The following PCDH9 variants were observed in gnomAD, a reference collection of about 807,000 sequenced individuals.
PCDH9 encodes protocadherin-9.
A neutral mutation model predicts 70.6 loss-of-function variants in PCDH9; 24 were observed. That is an observed-to-expected ratio of 0.34 (90% CI 0.25 to 0.48). The LOEUF is 0.48. Among genes scored for constraint, PCDH9 ranks in the 20% least tolerant of loss-of-function variants. The pLI is 0.99. For synonymous variants in PCDH9, 562 were observed against 558.5 expected (o/e 1.01, Z -0.09); for missense variants, 1,281 against 1,503.6 (o/e 0.85, Z 2.45).
intron 2 of PCDH9, among the ~76,000 whole-genome samples, chr13:66,924,813 T>TTCAATA (rs1174890125): frequency 6.6e-6 from 1 of 151,792 alleles, no homozygotes; most frequent in African/African-American, 2.4e-5. Flanking sequence ...GAATTTTGAG[T>TTCAATA]TGGCTGGTGC....
At chr13:67,000,144 A>C (rs912518175) in intron 2 of PCDH9, among the ~76,000 whole-genome samples, 45 of 152,240 alleles carry the variant, frequency 3.0e-4, no homozygotes, top group African/African-American at 1.1e-3. Context: ...ATGGAATACT[A>C]TGCAGCCATA....
intron 4 of PCDH9, among the ~76,000 whole-genome samples, chr13:66,522,855 C>G (rs931611128): frequency 6.6e-6 from 1 of 151,912 alleles, no homozygotes; most frequent in Non-Finnish European, 1.5e-5. Flanking sequence ...AAAATGTATG[C>G]TTTTTGTTAT....
At chr13:66,582,770 ATTACT>A (rs1371051590) in intron 4 of PCDH9, among the ~76,000 whole-genome samples, 1 of 152,182 alleles carries the variant, frequency 6.6e-6, no homozygotes, top group African/African-American at 2.4e-5. Context: ...ATTCAGTGTA[ATTACT>A]TTAGATTATA....
intron 2 of PCDH9, chr13:67,202,190 C>A (rs1208424415): frequency 6.6e-6 from 1 of 151,976 alleles, no homozygotes; most frequent in Non-Finnish European, 1.5e-5. Context: ...ATTCAACCAT[C>A]ATCTCCTAAA....
At chr13:67,139,463 A>G (rs1280037647) in intron 2 of PCDH9, among the ~76,000 whole-genome samples, 5 of 152,190 alleles carry the variant, frequency 3.3e-5, no homozygotes, top group Non-Finnish European at 7.3e-5. Flanking sequence ...ATCCGACTTC[A>G]TCTCTTTTTC....
At chr13:66,997,475 C>A (rs1354579509) in intron 2 of PCDH9, among the ~76,000 whole-genome samples, 1 of 151,980 alleles carries the variant, frequency 6.6e-6, no homozygotes, top group Non-Finnish European at 1.5e-5. Context: ...CCAGACACCA[C>A]CCATTAGGCT....
chr13:66,513,388 G>T (rs1020843682), intron 4 of PCDH9, among the ~76,000 whole-genome samples: 1 of 151,534 alleles, frequency 6.6e-6, no homozygotes, highest in South Asian at 2.1e-4. Flanking sequence ...TACTTTAATA[G>T]TTTCCTTTAC....
intron 3 of PCDH9, among the ~76,000 whole-genome samples, chr13:66,647,201 A>G (rs2077783106): frequency 6.6e-6 from 1 of 152,144 alleles, no homozygotes. Context: ...TGACTTAGTG[A>G]GACACCAGCC....
At chr13:66,779,183 T>TG (rs1247828114) in intron 3 of PCDH9, among the ~76,000 whole-genome samples, 1 of 142,080 alleles carries the variant, frequency 7.0e-6, no homozygotes, top group African/African-American at 2.7e-5. Flanking sequence ...GTTCAGTGGC[T>TG]TTTTTTTTTT....
intron 4 of PCDH9, among the ~76,000 whole-genome samples, chr13:66,380,432 TAA>T (rs998086407): frequency 9.4e-5 from 14 of 149,572 alleles, no homozygotes; most frequent in African/African-American, 3.5e-4. Context: ...TGTGAAGTGA[TAA>T]GACAAAAACA....
rs538379892 is a variant in PCDH9, at chr13:66,928,408, T to C, written c.3037-24803A>G. Reference sequence around the variant, plus strand: ...GTCTCACAACAATACACAAGGTGGATAGTATTATTCCCATTTTTCTGTTGT... The same window carrying C: ...GTCTCACAACAATACACAAGGTGGACAGTATTATTCCCATTTTTCTGTTGT... On this transcript the variant is annotated intron_variant, in intron 2 of 4. Coordinates refer to ENST00000377865, the MANE Select transcript of PCDH9 (RefSeq NM_203487.3). 2.6e-5 allele frequency among the ~76,000 whole-genome samples: 4 copies of C among 152,228 alleles called. No homozygotes were observed. In the South Asian group the frequency reaches 8.3e-4, roughly 32 times the overall value.
At chr13:66,526,404 A>G (rs1247751172) in intron 4 of PCDH9, among the ~76,000 whole-genome samples, 3 of 152,104 alleles carry the variant, frequency 2.0e-5, no homozygotes, top group Non-Finnish European at 4.4e-5. Context: ...CTGAAGAGGA[A>G]AGTCTCAACT....
intron 2 of PCDH9, among the ~76,000 whole-genome samples, chr13:67,006,904 GC>G (rs1183424182): frequency 6.6e-6 from 1 of 151,916 alleles, no homozygotes; most frequent in Non-Finnish European, 1.5e-5. Flanking sequence ...AAATATTTTT[GC>G]AAACATAGAA....
chr13:66,979,101 T>C (rs1036291723), intron 2 of PCDH9, among the ~76,000 whole-genome samples: 14 of 152,102 alleles, frequency 9.2e-5, no homozygotes, highest in African/African-American at 3.4e-4. Context: ...TTCGACAAGT[T>C]ATAAGTGTTG....
intron 4 of PCDH9, among the ~76,000 whole-genome samples, chr13:66,481,946 A>G (rs1013035713): frequency 1.4e-4 from 21 of 149,452 alleles, no homozygotes; most frequent in African/African-American, 4.6e-4. Context: ...ATGCACGCAC[A>G]CACACACACA....
At chr13:67,085,809 A>G (rs796859953) in intron 2 of PCDH9, among the ~76,000 whole-genome samples, 12 of 152,320 alleles carry the variant, frequency 7.9e-5, no homozygotes, top group African/African-American at 2.6e-4. Flanking sequence ...TGGTAAATAG[A>G]TCTTTCAATA....
chr13:66,552,450 T>G (rs1027632941), intron 4 of PCDH9, among the ~76,000 whole-genome samples: 2 of 152,060 alleles, frequency 1.3e-5, no homozygotes, highest in South Asian at 4.2e-4. Flanking sequence ...AGACCAAAAT[T>G]TGTATGATGT....
chr13:66,324,533 GATGAATAATGGTAATTAC>G (rs1355037958), intron 4 of PCDH9, among the ~76,000 whole-genome samples: 1 of 151,990 alleles, frequency 6.6e-6, no homozygotes, highest in Non-Finnish European at 1.5e-5. Flanking sequence ...ATTAATTTTA[GATGAATAATGGTAATTAC>G]AACAAGCATG....
intron 2 of PCDH9, among the ~76,000 whole-genome samples, chr13:67,103,695 T>C (rs1250029243): frequency 6.6e-6 from 1 of 152,218 alleles, no homozygotes; most frequent in African/African-American, 2.4e-5. Context: ...ACACAAGTGA[T>C]GGATGACAGA....
Sources: gnomAD v4.1 joint callset for allele counts (sites outside exome capture counted in the v4.1 genomes callset) on GRCh38, gnomAD v4.1.1 for gene constraint, MANE v1.5 for transcripts, NCBI Gene and HGNC (gene_info 2026-07-23, HGNC 2026-07-21) for gene names.